The following POMP variants were observed in gnomAD, a reference collection of about 807,000 sequenced individuals.
POMP encodes 2510048O06Rik.
Under a neutral mutation model 20.6 loss-of-function variants are expected in POMP, and 12 were observed. The observed-to-expected ratio is 0.58, with a 90% confidence interval of 0.37 to 0.94. The LOEUF is 0.94. Ranked by LOEUF, POMP falls within the 40% of genes least tolerant of loss-of-function variation. POMP has a pLI of 0.01. For missense variants in POMP, 136 were observed against 161.1 expected (o/e 0.84, Z 0.84); for synonymous variants, 53 against 55.0 (o/e 0.96, Z 0.16).
intron 5 of POMP, among the ~76,000 whole-genome samples, chr13:28,676,953 A>C (rs1450508548): frequency 1.3e-5 from 2 of 152,170 alleles, no homozygotes; most frequent in African/African-American, 2.4e-5. Context: ...TTTTGGTGCA[A>C]GTGATTTATT....
In POMP at chr13:28,664,347, C is replaced by T. The variant is rs562665924; in HGVS notation, c.102-162C>T. On this transcript the variant is annotated intron_variant, in intron 2 of 5. Coordinates refer to ENST00000380842, the MANE Select transcript of POMP (RefSeq NM_015932.6). ...TGTGTAGGTCTATGAATTTTTAGCA[C>T]ATGTATCAATTCCTATGACTGTCAC... Among the ~76,000 whole-genome samples the T allele has an allele frequency of 1.8e-3, 266 of 151,250 alleles. 1 individual carries two copies. The highest frequency in any genetic ancestry group is 6.1e-3 in the African/African-American group (251 of 41,130).
At position 28,678,204 on chromosome 13, in the gene POMP, T is replaced by A; in HGVS notation, c.*102T>A. ...ATTAAAAGTACTGACACCTGAGAATTTCTGCTCAAGTAGTATCAGTGATCA... is the reference window on the plus strand; with the variant it reads ...ATTAAAAGTACTGACACCTGAGAATATCTGCTCAAGTAGTATCAGTGATCA... On this transcript the variant is annotated 3_prime_UTR_variant, in exon 6 of 6. Transcript: ENST00000380842. The A allele has an allele frequency of 8.3e-7, 1 of 1,204,716 alleles. No individual in the cohort carries two copies. The highest frequency in any genetic ancestry group is 1.2e-6 in the Non-Finnish European group (1 of 814,274). The allele number at this position is 1,204,716 out of a possible 1,614,324, so 74.6% of individuals were successfully genotyped here. A position where few individuals can be genotyped will look rare whatever the true frequency, so the allele number is the denominator to read the frequency against.
At chr13:28,660,711 G>T (rs933260456) in intron 1 of POMP, among the ~76,000 whole-genome samples, 1 of 152,094 alleles carries the variant, frequency 6.6e-6, no homozygotes, top group Non-Finnish European at 1.5e-5. Context: ...TCTTTTCCTC[G>T]TCCACCATGA....
At chr13:28,667,681 G>C (rs1253569913) in intron 3 of POMP, among the ~76,000 whole-genome samples, 8 of 152,160 alleles carry the variant, frequency 5.3e-5, no homozygotes, top group Non-Finnish European at 4.4e-5. Flanking sequence ...AGAGTAGCGT[G>C]TAATAAAAAA....
chr13:28,664,783 C>T (rs961256178), intron 3 of POMP, among the ~76,000 whole-genome samples: 20 of 152,134 alleles, frequency 1.3e-4, no homozygotes, highest in Admixed American at 1.1e-3. Context: ...TTTTAATGTA[C>T]GTCTCCAAAG....
intron 5 of POMP, among the ~76,000 whole-genome samples, chr13:28,674,041 G>C (rs891997321): frequency 6.6e-6 from 1 of 152,214 alleles, no homozygotes; most frequent in Non-Finnish European, 1.5e-5. Flanking sequence ...TGAAATCATT[G>C]ACCTAGAAGT....
chr13:28,660,924 T>G (rs564146442), intron 1 of POMP, among the ~76,000 whole-genome samples: 4 of 152,296 alleles, frequency 2.6e-5, no homozygotes, highest in Non-Finnish European at 5.9e-5. Context: ...CCCAGTAGAA[T>G]GCTGTTGAAG....
intron 1 of POMP, among the ~76,000 whole-genome samples, 179 bp from the exon 2 acceptor site, chr13:28,662,231 G>A (rs924004881): frequency 6.6e-6 from 1 of 152,052 alleles, no homozygotes; most frequent in Non-Finnish European, 1.5e-5. Flanking sequence ...TATTTTCATT[G>A]TACCATGTGT....
At chr13:28,661,897 A>G (rs7989738) in intron 1 of POMP, among the ~76,000 whole-genome samples, 29,186 of 152,004 alleles carry the variant, frequency 0.19, 3,066 homozygotes, top group East Asian at 0.29. Context: ...GCTGTCTTCA[A>G]CTTTTTTATT....
At chr13:28,660,489 T>C (rs1451091326) in intron 1 of POMP, among the ~76,000 whole-genome samples, 1 of 152,230 alleles carries the variant, frequency 6.6e-6, no homozygotes, top group Non-Finnish European at 1.5e-5. Flanking sequence ...TGATGTTTAG[T>C]AGGTTAGGTG....
At chr13:28,677,334 T>C (rs1884646026) in intron 5 of POMP, among the ~76,000 whole-genome samples, 1 of 152,220 alleles carries the variant, frequency 6.6e-6, no homozygotes, top group Non-Finnish European at 1.5e-5. Context: ...CCACCATTAT[T>C]ATGTGCAGGG....
intron 2 of POMP, 73 bp from the exon 3 acceptor site, chr13:28,664,436 A>G (rs1884402755): frequency 4.9e-6 from 5 of 1,010,256 alleles, no homozygotes; most frequent in Middle Eastern, 2.1e-4. Context: ...CCCTTTATAG[A>G]TATGATTTTG....
In POMP at chr13:28,672,351, C is replaced by A; in HGVS notation, c.277C>A (p.Pro93Thr). The A allele has an allele frequency of 6.2e-7, 1 of 1,608,338 alleles. No homozygotes were observed. Among genetic ancestry groups the A allele is most frequent in the Non-Finnish European group, 8.5e-7 (1 of 1,174,870 alleles). ...CTTTTCCCCAAAGGTTCAGCGTCTT[C>A]CATTTCTTTCAAGCTCAAATCTTTC... ...FKAVQQVQRL[P>T]FLSSSNLSLD... Residue 93 changes from proline to threonine, a missense_variant, in exon 5 of 6, where the codon CCA (proline) becomes ACA (threonine). Coordinates refer to ENST00000380842, the MANE Select transcript of POMP (RefSeq NM_015932.6).
chr13:28,668,722 T>C, intron 4 of POMP, 148 bp downstream of exon 4: 1 of 677,064 alleles, frequency 1.5e-6, no homozygotes, highest in Non-Finnish European at 2.6e-6. Flanking sequence ...TTCTACTTCA[T>C]AGAGGGAAAA....
chr13:28,663,396 C>T (rs1009598035), intron 2 of POMP, among the ~76,000 whole-genome samples: 58 of 152,248 alleles, frequency 3.8e-4, no homozygotes, highest in African/African-American at 1.3e-3. Context: ...TCGCAGCCTC[C>T]GCCTCCCGGG....
intron 3 of POMP, among the ~76,000 whole-genome samples, chr13:28,665,690 A>G (rs1336842119): frequency 6.6e-6 from 1 of 152,244 alleles, no homozygotes; most frequent in Non-Finnish European, 1.5e-5. Context: ...TGAGCATTTA[A>G]TAGGGTAAGC....
At chr13:28,672,192 A>G in intron 4 of POMP, 147 bp from the exon 5 acceptor site, 2 of 695,682 alleles carry the variant, frequency 2.9e-6, no homozygotes, top group Admixed American at 2.2e-5. Flanking sequence ...AATATGAACT[A>G]GTGTTTTTTT....
At chr13:28,672,562 A>G in intron 5 of POMP, 130 bp downstream of exon 5, 3 of 756,826 alleles carry the variant, frequency 4.0e-6, no homozygotes, top group Non-Finnish European at 7.1e-6. Context: ...TCATTGCATT[A>G]AGATAAAGTT....
chr13:28,660,463 A>G (rs2137788431), intron 1 of POMP, among the ~76,000 whole-genome samples: 1 of 152,354 alleles, frequency 6.6e-6, no homozygotes, highest in East Asian at 1.9e-4. Context: ...CATTTAAGGT[A>G]GGCTAGGCTA....
Sources: gnomAD v4.1 joint callset for allele counts (sites outside exome capture counted in the v4.1 genomes callset) on GRCh38, gnomAD v4.1.1 for gene constraint, MANE v1.5 for transcripts, NCBI Gene and HGNC (gene_info 2026-07-23, HGNC 2026-07-21) for gene names.